Variants in MACROD2 observed in about 807,000 individuals in gnomAD.
MACROD2 encodes mono-ADP ribosylhydrolase 2.
In MACROD2, 36 loss-of-function variants were observed where a neutral mutation model predicts 70.4. The ratio of observed to expected loss-of-function variants is 0.51; its 90% CI spans 0.39 to 0.68. The LOEUF is 0.68. MACROD2 is among the 30% of genes least tolerant of loss of function. MACROD2 has a pLI of 0.00. For missense variants in MACROD2, 496 were observed against 538.4 expected (o/e 0.92, Z 0.78); for synonymous variants, 172 against 178.8 (o/e 0.96, Z 0.30).
rs540960014 is a variant in MACROD2 at position 14,556,500 on chromosome 20, C to T, written c.301+62992C>T. 4.6e-4 allele frequency among the ~76,000 whole-genome samples: 70 copies of T among 152,112 alleles called. 1 individual carries two copies. Among genetic ancestry groups the T allele is most frequent in the South Asian group, 3.7e-3 (18 of 4,822 alleles). On this transcript the variant is annotated intron_variant, in intron 4 of 17. Transcript: ENST00000684519. Reference sequence around the variant, plus strand: ...CCAAGAAAGTCTTGTTTTCTTTAGGCAAAGGACCAGGTGAAGGGTGGCTTT... The same window carrying T: ...CCAAGAAAGTCTTGTTTTCTTTAGGTAAAGGACCAGGTGAAGGGTGGCTTT...
chr20:15,242,066 A>G lies in MACROD2; in HGVS notation c.540+12005A>G, dbSNP rs1045635042. 5.3e-5 allele frequency among the ~76,000 whole-genome samples: 8 copies of G among 152,228 alleles called. 1 individual carries two copies. The East Asian group carries it at 7.7e-4, about 15-fold the overall frequency. ...ATACCACCATAATCAAGTGATCAAG[A>G]TTAAGATAATCAGTAATGAGATATG... On this transcript the variant is annotated intron_variant, in intron 6 of 17. Transcript: ENST00000684519.
chr20:14,013,425 A>C (rs1471342325), intron 2 of MACROD2, among the ~76,000 whole-genome samples: 1 of 151,668 alleles, frequency 6.6e-6, no homozygotes, highest in Non-Finnish European at 1.5e-5. Context: ...GGTGCCCGCC[A>C]CCATGCCCGG....
chr20:14,368,368 C>A (rs987622489), intron 3 of MACROD2, among the ~76,000 whole-genome samples: 5 of 152,020 alleles, frequency 3.3e-5, no homozygotes, highest in African/African-American at 9.7e-5. Flanking sequence ...ACAGTGAAAC[C>A]CTGTCTCTAC....
intron 5 of MACROD2, among the ~76,000 whole-genome samples, chr20:14,701,164 G>GTGATTTCTT (rs2071192014): frequency 6.6e-6 from 1 of 152,104 alleles, no homozygotes. Flanking sequence ...TGACTCAAAA[G>GTGATTTCTT]TGATTTCTTT....
intron 8 of MACROD2, among the ~76,000 whole-genome samples, chr20:15,795,590 G>A (rs2063665554): frequency 6.6e-6 from 1 of 152,106 alleles, no homozygotes; most frequent in South Asian, 2.1e-4. Flanking sequence ...ACAAACCATG[G>A]CTTCTCTCTC....
chr20:15,766,579 A>C (rs6043529), intron 8 of MACROD2, among the ~76,000 whole-genome samples: 34,130 of 152,066 alleles, frequency 0.22, 3,785 homozygotes, highest in African/African-American at 0.24. Flanking sequence ...GTATTTAAGA[A>C]TCACCCTCAA....
At chr20:15,205,458 A>T (rs1380994211) in intron 5 of MACROD2, among the ~76,000 whole-genome samples, 2 of 152,196 alleles carry the variant, frequency 1.3e-5, no homozygotes, top group Admixed American at 6.5e-5. Flanking sequence ...AGTTCCTAGA[A>T]GGAGCATCCA....
intron 7 of MACROD2, among the ~76,000 whole-genome samples, chr20:15,453,178 T>A (rs1426724167): frequency 6.6e-6 from 1 of 151,948 alleles, no homozygotes; most frequent in Non-Finnish European, 1.5e-5. Context: ...ATAAAAAGAA[T>A]ACAGCTGAAG....
chr20:14,166,237 T>C (rs533520996), intron 3 of MACROD2, among the ~76,000 whole-genome samples: 64 of 152,286 alleles, frequency 4.2e-4, no homozygotes, highest in Non-Finnish European at 7.2e-4. Context: ...ATATGGATTA[T>C]AGGAAATATT....
At chr20:14,662,267 C>T (rs917227189) in intron 4 of MACROD2, among the ~76,000 whole-genome samples, 11 of 152,046 alleles carry the variant, frequency 7.2e-5, no homozygotes, top group Middle Eastern at 3.4e-3. Flanking sequence ...AATGGTGCTG[C>T]GATAACTGGC....
At chr20:15,575,524 G>A (rs976240343) in intron 8 of MACROD2, among the ~76,000 whole-genome samples, 10 of 152,182 alleles carry the variant, frequency 6.6e-5, no homozygotes, top group South Asian at 2.1e-4. Context: ...GCAGAAAGGA[G>A]AAATGATGGA....
At chr20:15,286,208 T>C (rs972409981) in intron 6 of MACROD2, among the ~76,000 whole-genome samples, 2 of 152,034 alleles carry the variant, frequency 1.3e-5, no homozygotes, top group Admixed American at 6.6e-5. Context: ...GTGTTGTGGA[T>C]TGAAAAGAAA....
chr20:14,750,276 A>G (rs1386727780), intron 5 of MACROD2, among the ~76,000 whole-genome samples: 4 of 152,144 alleles, frequency 2.6e-5, no homozygotes, highest in Non-Finnish European at 4.4e-5. Context: ...ATAAAATTAT[A>G]GACAGTTTGT....
chr20:14,840,358 G>A (rs1288788131), intron 5 of MACROD2, among the ~76,000 whole-genome samples: 1 of 151,798 alleles, frequency 6.6e-6, no homozygotes, highest in Non-Finnish European at 1.5e-5. Context: ...TCTTAAACTG[G>A]CTTCCTGAAA....
At chr20:14,397,229 G>C (rs1249531142) in intron 3 of MACROD2, among the ~76,000 whole-genome samples, 1 of 151,990 alleles carries the variant, frequency 6.6e-6, no homozygotes, top group African/African-American at 2.4e-5. Flanking sequence ...TCCTGACCTA[G>C]TGATCTGCCT....
intron 5 of MACROD2, among the ~76,000 whole-genome samples, chr20:15,206,760 C>T (rs369728302): frequency 5.8e-3 from 177 of 30,258 alleles, no homozygotes; most frequent in South Asian, 0.033. Context: ...GACGGAGTCT[C>T]GCTCTGTCGC....
intron 8 of MACROD2, among the ~76,000 whole-genome samples, chr20:15,531,683 G>A (rs906155774): frequency 5.3e-5 from 8 of 152,106 alleles, no homozygotes; most frequent in Non-Finnish European, 1.2e-4. Context: ...TGGAAACTAG[G>A]AGAGTCCAGT....
chr20:15,209,869 A>G (rs147129666), intron 5 of MACROD2, among the ~76,000 whole-genome samples: 1 of 152,350 alleles, frequency 6.6e-6, no homozygotes, highest in Non-Finnish European at 1.5e-5. Flanking sequence ...AGAGGATGGT[A>G]ACTTTTGCCT....
intron 5 of MACROD2, among the ~76,000 whole-genome samples, chr20:15,004,379 G>T (rs1047500637): frequency 2.0e-5 from 3 of 152,198 alleles, no homozygotes; most frequent in Non-Finnish European, 4.4e-5. Context: ...TCTAAAGGAA[G>T]TACTGTCATA....
Sources: gnomAD v4.1 joint callset for allele counts (sites outside exome capture counted in the v4.1 genomes callset) on GRCh38, gnomAD v4.1.1 for gene constraint, MANE v1.5 for transcripts, NCBI Gene and HGNC (gene_info 2026-07-23, HGNC 2026-07-21) for gene names.